Variants in VPS4A observed in about 807,000 individuals in gnomAD.
The protein encoded by VPS4A is vacuolar protein sorting-associated protein 4A.
A neutral mutation model predicts 52.3 loss-of-function variants in VPS4A; 20 were observed. The observed-to-expected ratio is 0.38, with a 90% CI of 0.27 to 0.56. VPS4A has a LOEUF of 0.56. Ranked by LOEUF, VPS4A falls within the 20% of genes least tolerant of loss-of-function variation. The pLI is 0.72. For synonymous variants in VPS4A, 293 were observed against 227.7 expected (o/e 1.29, Z -2.58); for missense variants, 419 against 575.9 (o/e 0.73, Z 2.79).
intron 3 of VPS4A, among the ~76,000 whole-genome samples, chr16:69,317,524 T>C (rs1965451888): frequency 6.6e-6 from 1 of 152,154 alleles, no homozygotes; most frequent in Non-Finnish European, 1.5e-5. Flanking sequence ...CCGGGCGCGG[T>C]GGCTCACGCC....
rs1382083153 is a variant in VPS4A, at chr16:69,321,317, G to A, written c.1071+47G>A. On this transcript the variant is annotated intron_variant, in intron 9 of 10. Transcript: ENST00000254950. This position sits in a 1 kb window ranked among gnomAD's most constrained non-coding sequence, Gnocchi z 4.5. ...TGAGAAAAATCTCATAGTAAGAGCGGGATGTTCGGTTTTTTTTTTCCCAGC... is the reference window on the plus strand; with the variant it reads ...TGAGAAAAATCTCATAGTAAGAGCGAGATGTTCGGTTTTTTTTTTCCCAGC... 6.5e-7 allele frequency: 1 copy of A among 1,529,250 alleles called. No homozygotes were observed. Among genetic ancestry groups the A allele is most frequent in the Admixed American group, 2.0e-5 (1 of 50,348 alleles). The allele number at this position is 1,529,250 out of a possible 1,614,324, so 94.7% of individuals were successfully genotyped here.
In VPS4A at chr16:69,326,100, C is replaced by T. The variant is rs1372572211; in HGVS notation, c.*1791C>T. The T allele has an allele frequency of 6.6e-6, 1 of 152,410 alleles. No individual in the cohort carries two copies. Among genetic ancestry groups the T allele is most frequent in the Non-Finnish European group, 1.5e-5 (1 of 68,184 alleles). The allele number at this position is 152,410 out of a possible 1,614,324, so 9.4% of individuals were successfully genotyped here. A position where few individuals can be genotyped will look rare whatever the true frequency, so the allele number is the denominator to read the frequency against. On this transcript the variant is annotated 3_prime_UTR_variant, in exon 11 of 11. Coordinates refer to ENST00000254950, the MANE Select transcript of VPS4A (RefSeq NM_013245.3). ...TGGCCTAGTAAATGAAGCTTATAGC[C>T]TGCAAAGGGCTTTGTTCCAACCTTC...
At chr16:69,317,724 C>T (rs954266641) in intron 3 of VPS4A, among the ~76,000 whole-genome samples, 4 of 151,860 alleles carry the variant, frequency 2.6e-5, no homozygotes, top group Non-Finnish European at 5.9e-5. Flanking sequence ...ACCCGGGAGG[C>T]GGAGCTTGCA....
In VPS4A at chr16:69,311,462, C is replaced by G. The variant is rs769493742; in HGVS notation, c.-50C>G. Reference sequence around the variant, plus strand: ...AGTACCTCGGCTCCCCGGGGCCGGACCGAGGCCGCAAGCAGCGCCGCGGGG... The same window carrying G: ...AGTACCTCGGCTCCCCGGGGCCGGAGCGAGGCCGCAAGCAGCGCCGCGGGG... On this transcript the variant is annotated 5_prime_UTR_variant, in exon 1 of 11. Coordinates refer to ENST00000254950, the MANE Select transcript of VPS4A (RefSeq NM_013245.3). 7.8e-7 allele frequency: 1 copy of G among 1,280,580 alleles called. No individual in the cohort carries two copies. Among genetic ancestry groups the G allele is most frequent in the African/African-American group, 1.5e-5 (1 of 64,962 alleles). The allele number at this position is 1,280,580 out of a possible 1,614,324, so 79.3% of individuals were successfully genotyped here. A position where few individuals can be genotyped will look rare whatever the true frequency, so the allele number is the denominator to read the frequency against.
chr16:69,323,838 T>C (rs371364456), intron 10 of VPS4A: 23 of 364,270 alleles, frequency 6.3e-5, no homozygotes, highest in African/African-American at 3.4e-4. Flanking sequence ...TAGTCCCAGC[T>C]ATTTGGGAGG....
Position 69,324,930 on chromosome 16 carries a change from G to T in VPS4A, c.*621G>T, listed in dbSNP as rs112064500. 2 of 153,706 alleles carry T rather than the reference G, an allele frequency of 1.3e-5. No homozygotes were observed. The highest frequency in any genetic ancestry group is 2.9e-5 in the Non-Finnish European group (2 of 69,022). 9.5% of individuals were successfully genotyped at this position (153,706 alleles called of 1,614,324 possible). A position where few individuals can be genotyped will look rare whatever the true frequency, so the allele number is the denominator to read the frequency against. On this transcript the variant is annotated 3_prime_UTR_variant, in exon 11 of 11. Transcript: ENST00000254950. ...TTAGATCAGGGTAAGGCAGTCAGGC[G>T]GGTGTTCACCACTGCCTTTTCTTCC...
rs1447783777 is a variant in VPS4A, at chr16:69,324,570, C to CT, written c.*261_*262insT. ...TGCTCATCAGCTCCTTCTGCCTCCC[C>CT]CCCTTTTTTTTCCATCTTTTGTTCC... On this transcript the variant is annotated 3_prime_UTR_variant, in exon 11 of 11. Transcript: ENST00000254950. 2.3e-6 allele frequency: 1 copy of CT among 436,704 alleles called. No homozygotes were observed. Among genetic ancestry groups the CT allele is most frequent in the African/African-American group, 2.0e-5 (1 of 51,174 alleles). 27.1% of individuals were successfully genotyped at this position (436,704 alleles called of 1,614,324 possible).
At chr16:69,311,834 C>T (rs1170039284) in intron 1 of VPS4A, among the ~76,000 whole-genome samples, 3 of 152,234 alleles carry the variant, frequency 2.0e-5, no homozygotes, top group Non-Finnish European at 2.9e-5. Context: ...CAGGCACCCT[C>T]AGGAAGCTCG....
chr16:69,321,325 G>C lies in VPS4A; in HGVS notation c.1071+55G>C. On this transcript the variant is annotated intron_variant, in intron 9 of 10. Transcript: ENST00000254950. This position sits in a 1 kb window ranked among gnomAD's most constrained non-coding sequence, Gnocchi z 4.5. ...ATCTCATAGTAAGAGCGGGATGTTCGGTTTTTTTTTTCCCAGCTCCTGGTC... is the reference window on the plus strand; with the variant it reads ...ATCTCATAGTAAGAGCGGGATGTTCCGTTTTTTTTTTCCCAGCTCCTGGTC... The C allele has an allele frequency of 7.1e-7, 1 of 1,406,744 alleles. No individual in the cohort carries two copies. The highest frequency in any genetic ancestry group is 9.6e-7 in the Non-Finnish European group (1 of 1,038,838). 87.1% of individuals were successfully genotyped at this position (1,406,744 alleles called of 1,614,324 possible).
intron 3 of VPS4A, among the ~76,000 whole-genome samples, chr16:69,316,904 C>T (rs1456180271): frequency 1.3e-5 from 2 of 152,188 alleles, no homozygotes; most frequent in Admixed American, 6.5e-5. Context: ...CAAAGCAGGG[C>T]GGGTGGCCCC....
Position 69,311,465 on chromosome 16 carries a change from AG to A in VPS4A, c.-45del. The A allele has an allele frequency of 7.8e-7, 1 of 1,285,664 alleles. No individual in the cohort carries two copies. Among genetic ancestry groups the A allele is most frequent in the Non-Finnish European group, 9.9e-7 (1 of 1,005,744 alleles). The allele number at this position is 1,285,664 out of a possible 1,614,324, so 79.6% of individuals were successfully genotyped here. ...ACCTCGGCTCCCCGGGGCCGGACCG[AG>A]GCCGCAAGCAGCGCCGCGGGGTGTG... is the stretch of plus-strand genomic sequence containing the variant. On this transcript the variant is annotated 5_prime_UTR_variant, in exon 1 of 11. Coordinates refer to ENST00000254950, the MANE Select transcript of VPS4A (RefSeq NM_013245.3).
rs1452036085 is a variant in VPS4A, at chr16:69,320,974, A to C, written c.852-77A>C. The C allele has an allele frequency of 9.6e-6, 14 of 1,452,012 alleles. No homozygotes were observed. In the Admixed American group the frequency reaches 2.6e-4, roughly 27 times the overall value. The allele number at this position is 1,452,012 out of a possible 1,614,324, so 89.9% of individuals were successfully genotyped here. A position where few individuals can be genotyped will look rare whatever the true frequency, so the allele number is the denominator to read the frequency against. On this transcript the variant is annotated intron_variant, in intron 8 of 10. Coordinates refer to ENST00000254950, the MANE Select transcript of VPS4A (RefSeq NM_013245.3). This position sits in a 1 kb window ranked among gnomAD's most constrained non-coding sequence, Gnocchi z 4.2. ...CCCATGAAATGCGTCCGTTTCACTC[A>C]AATCTTCGTGCCTCCCCTTCCGTGA... is the stretch of plus-strand genomic sequence containing the variant.
At chr16:69,322,769 A>G in intron 10 of VPS4A, 69 bp downstream of exon 10, 2 of 1,536,726 alleles carry the variant, frequency 1.3e-6, no homozygotes, top group Non-Finnish European at 1.8e-6. Flanking sequence ...TGGGTCCAGA[A>G]TAAAAACGGT....
chr16:69,322,737 A>AG, intron 10 of VPS4A, 37 bp downstream of exon 10: 1 of 1,577,830 alleles, frequency 6.3e-7, no homozygotes, highest in Non-Finnish European at 8.6e-7. Context: ...AGGGCTGCAC[A>AG]GAGCCCAGAA....
rs1052733784 is a variant in VPS4A at position 69,323,688 on chromosome 16, G to A, written c.1213-520G>A. 1.6e-4 allele frequency: 73 copies of A among 455,380 alleles called. 1 individual carries two copies. Among genetic ancestry groups the A allele is most frequent in the African/African-American group, 1.0e-3 (52 of 50,176 alleles). The allele number at this position is 455,380 out of a possible 1,614,324, so 28.2% of individuals were successfully genotyped here. A position where few individuals can be genotyped will look rare whatever the true frequency, so the allele number is the denominator to read the frequency against. On this transcript the variant is annotated intron_variant, in intron 10 of 10. Coordinates refer to ENST00000254950, the MANE Select transcript of VPS4A (RefSeq NM_013245.3). ...CTCCTGGCCGGGCGCCGTGGCTCCC[G>A]CCTGTAATCCCAGCACTTCGGGAGG... is the stretch of plus-strand genomic sequence containing the variant.
In VPS4A at chr16:69,320,865, T is replaced by C; in HGVS notation, c.851+96T>C. The stretch of plus-strand genomic sequence containing the variant: ...GCAGCCCGGGTGCAGCCTGGCCCCT[T>C]TTCCCTGGAGTCTTCCCGTCTGCCT... On this transcript the variant is annotated intron_variant, in intron 8 of 10. Transcript: ENST00000254950. This position sits in a 1 kb window ranked among gnomAD's most constrained non-coding sequence, Gnocchi z 4.2. 7.4e-7 allele frequency: 1 copy of C among 1,356,296 alleles called. No individual in the cohort carries two copies. Among genetic ancestry groups the C allele is most frequent in the South Asian group, 1.3e-5 (1 of 75,914 alleles). The allele number at this position is 1,356,296 out of a possible 1,614,324, so 84.0% of individuals were successfully genotyped here. A position where few individuals can be genotyped will look rare whatever the true frequency, so the allele number is the denominator to read the frequency against.
In VPS4A at chr16:69,321,470, C is replaced by T; in HGVS notation, c.1071+200C>T. On this transcript the variant is annotated intron_variant, in intron 9 of 10. Coordinates refer to ENST00000254950, the MANE Select transcript of VPS4A (RefSeq NM_013245.3). The surrounding 1 kb of genome is among the most constrained non-coding windows in gnomAD (Gnocchi z 4.5). ...CAGCTCTTCTGGAGTGTGGCCATCT[C>T]AGGGTGTGTGAAAGCAGAGGACAGG... 1 of 626,820 alleles carries T rather than the reference C, an allele frequency of 1.6e-6. No individual in the cohort carries two copies. Among genetic ancestry groups the T allele is most frequent in the South Asian group, 2.0e-5 (1 of 50,908 alleles). 38.8% of individuals were successfully genotyped at this position (626,820 alleles called of 1,614,324 possible).
chr16:69,316,033 C>T lies in VPS4A; in HGVS notation c.47C>T (p.Ala16Val). ...LQKAIDLVTK[A>V]TEEDKAKNYE... is the part of the protein sequence containing the mutation. ...AAAGCCATTGATCTGGTGACGAAAG[C>T]CACAGAGGAGGACAAAGCCAAGAAC... Residue 16 changes from alanine to valine, a missense_variant, in exon 2 of 11, where the codon GCC becomes GTC. Physicochemically the swap from Ala to Val is moderately conservative, Grantham distance 64 (BLOSUM62 0). Transcript: ENST00000254950. 6.2e-7 allele frequency: 1 copy of T among 1,613,558 alleles called. No homozygotes were observed. Among genetic ancestry groups the T allele is most frequent in the Non-Finnish European group, 8.5e-7 (1 of 1,179,882 alleles).
At chr16:69,322,464 C>A (rs1965525054) in intron 9 of VPS4A, 96 bp from the exon 10 acceptor site, 6 of 1,337,962 alleles carry the variant, frequency 4.5e-6, no homozygotes, top group Non-Finnish European at 6.0e-6. Context: ...TAGGGACCCA[C>A]AGAGCATTCT....
Sources: allele counts gnomAD v4.1 joint callset (sites outside exome capture counted in the v4.1 genomes callset), GRCh38; gene constraint gnomAD v4.1.1; non-coding constraint Gnocchi (gnomAD v3.1); transcripts MANE v1.5; gene names NCBI Gene and HGNC (gene_info 2026-07-23, HGNC 2026-07-21).